MYT1L: variants seen among roughly 807,000 people sequenced by gnomAD.
The protein encoded by MYT1L is myelin transcription factor 1 like, also known as myelin transcription factor 1-like protein.
MYT1L carries 12 observed loss-of-function variants against 126.7 expected under a neutral mutation model. The ratio of observed to expected loss-of-function variants is 0.09; its 90% CI spans 0.06 to 0.15. MYT1L has a LOEUF of 0.15. MYT1L is among the 10% of genes least tolerant of loss of function. The probability of loss-of-function intolerance (pLI) is 1.00; values close to 1 mark genes in which losing one functional copy is unlikely to be tolerated. For missense variants in MYT1L, 979 were observed against 1,585.2 expected (o/e 0.62, Z 6.49); for synonymous variants, 541 against 604.2 (o/e 0.90, Z 1.53).
At chr2:1,797,438 T>C (rs2033819156) in intron 23 of MYT1L, among the ~76,000 whole-genome samples, 1 of 152,114 alleles carries the variant, frequency 6.6e-6, no homozygotes, top group Admixed American at 6.5e-5. Context: ...GCCAGGATGG[T>C]CTCGATTTCC....
At chr2:1,959,644 T>A (rs1026087867) in intron 8 of MYT1L, among the ~76,000 whole-genome samples, 1 of 152,230 alleles carries the variant, frequency 6.6e-6, no homozygotes, top group Non-Finnish European at 1.5e-5. Flanking sequence ...CCTGGCTACC[T>A]GCAGAGAATG....
intron 2 of MYT1L, among the ~76,000 whole-genome samples, chr2:2,271,053 C>G (rs1261453484): frequency 6.6e-6 from 1 of 152,160 alleles, no homozygotes; most frequent in Non-Finnish European, 1.5e-5. Flanking sequence ...TCGAGAGGTC[C>G]CGTGTCTGTG....
In MYT1L at chr2:2,162,908, C is replaced by T. The variant is rs146840016; in HGVS notation, c.-304+9964G>A. On this transcript the variant is annotated intron_variant, in intron 3 of 24. Transcript: ENST00000647738. ...TCAGTGCTCGCAGTAACTTGACTTG[C>T]CACCCTGTGACCTCTTGATCTGTAA... is the stretch of plus-strand genomic sequence containing the variant. Among the ~76,000 whole-genome samples the T allele has an allele frequency of 1.2e-4, 18 of 152,274 alleles. No individual in the cohort carries two copies. In the East Asian group the frequency reaches 2.7e-3, roughly 23 times the overall value.
rs549477277 is a variant in MYT1L, at chr2:2,030,460, G to A, written c.-158+23518C>T. ...TCTGATTCTTAACTATCATTCATTC[G>A]TTCATTTGTTATGTGTATACTCTTT... On this transcript the variant is annotated intron_variant, in intron 4 of 24. Coordinates refer to ENST00000647738, the MANE Select transcript of MYT1L (RefSeq NM_001303052.2). 7.9e-5 allele frequency among the ~76,000 whole-genome samples: 12 copies of A among 152,132 alleles called. No individual in the cohort carries two copies. In the East Asian group the frequency reaches 1.5e-3, roughly 20 times the overall value.
rs370549030 is a variant in MYT1L, at chr2:1,854,278, T to C, written c.2712-2575A>G. ...GGGTGGCGGGGGAACACTGTGAGTT[T>C]TGTTTTGTTTATTGATTAGTCTTTA... On this transcript the variant is annotated intron_variant, in intron 18 of 24. Transcript: ENST00000647738. Among the ~76,000 whole-genome samples, 4 of 152,280 alleles carry C rather than the reference T, an allele frequency of 2.6e-5. No homozygotes were observed. The East Asian group carries it at 7.7e-4, about 29-fold the overall frequency.
chr2:1,813,689 T>C (rs569273864), intron 21 of MYT1L, among the ~76,000 whole-genome samples: 1 of 151,900 alleles, frequency 6.6e-6, no homozygotes, highest in South Asian at 2.1e-4. Flanking sequence ...TGATCCCAGG[T>C]GGAACGGTTT....
intron 2 of MYT1L, among the ~76,000 whole-genome samples, chr2:2,209,025 C>A (rs2148888175): frequency 6.7e-6 from 1 of 150,338 alleles, no homozygotes; most frequent in East Asian, 1.9e-4. Flanking sequence ...CACACACACA[C>A]CCCAAATAGA....
intron 8 of MYT1L, among the ~76,000 whole-genome samples, chr2:1,967,738 C>T (rs1032652341): frequency 1.3e-5 from 2 of 152,076 alleles, no homozygotes; most frequent in South Asian, 2.1e-4. Context: ...GAGGGTGTGG[C>T]CAAAGAGGGG....
At chr2:1,792,586 C>T (rs886090716) in intron 23 of MYT1L, 122 bp from the exon 24 acceptor site, 10 of 1,096,132 alleles carry the variant, frequency 9.1e-6, no homozygotes, top group South Asian at 1.8e-5. Flanking sequence ...AGAAAGGCTT[C>T]GGGCCGGGCG....
At chr2:2,314,873 CA>C (rs1229602127) in intron 1 of MYT1L, among the ~76,000 whole-genome samples, 1 of 152,122 alleles carries the variant, frequency 6.6e-6, no homozygotes, top group East Asian at 1.9e-4. Context: ...AATAAGACTG[CA>C]CATCTACAAC....
chr2:1,792,406 T>C lies in MYT1L; in HGVS notation c.3335A>G (p.Gln1112Arg). Residue 1112 changes from glutamine to arginine, a missense_variant, in exon 24 of 25, where the codon CAG (glutamine) becomes CGG (arginine). Gln to Arg is a conservative substitution (Grantham distance 43). This residue lies in a region of MYT1L where 179 missense variants were observed against 398.6 expected (regional missense o/e 0.45). Transcript: ENST00000647738. Reference sequence around the variant, plus strand: ...CTCGTGGAGGAGAGACTCGTTCTGCTGCTCAATCACTTTGTTCTCCTCTTC... The same window carrying C: ...CTCGTGGAGGAGAGACTCGTTCTGCCGCTCAATCACTTTGTTCTCCTCTTC... ...TIEEENKVIE[Q>R]QNESLLHELA... The C allele has an allele frequency of 6.2e-7, 1 of 1,613,702 alleles. No homozygotes were observed.
At chr2:1,844,171 AG>A (rs1156469598) in intron 19 of MYT1L, among the ~76,000 whole-genome samples, 1 of 152,152 alleles carries the variant, frequency 6.6e-6, no homozygotes, top group Non-Finnish European at 1.5e-5. Context: ...GCCGTAGCCC[AG>A]GGCCTCTGTT....
intron 1 of MYT1L, among the ~76,000 whole-genome samples, chr2:2,312,924 T>G (rs1386013386): frequency 6.6e-6 from 1 of 152,096 alleles, no homozygotes; most frequent in East Asian, 1.9e-4. Flanking sequence ...GAGGAATGTA[T>G]CTTTGGCTAC....
intron 1 of MYT1L, among the ~76,000 whole-genome samples, chr2:2,317,237 T>C (rs1185171920): frequency 1.3e-5 from 2 of 152,186 alleles, no homozygotes; most frequent in South Asian, 4.1e-4. Flanking sequence ...CTACTCTAAA[T>C]ACTCAGGTTC....
chr2:2,204,757 A>G (rs1211129944), intron 2 of MYT1L, among the ~76,000 whole-genome samples: 1 of 151,910 alleles, frequency 6.6e-6, no homozygotes, highest in Non-Finnish European at 1.5e-5. Flanking sequence ...CCATCCCATT[A>G]CTGGGTATAT....
In MYT1L at chr2:2,228,707, T is replaced by G. The variant is rs1198492343; in HGVS notation, c.-421+55697A>C. 2.0e-5 allele frequency among the ~76,000 whole-genome samples: 3 copies of G among 152,118 alleles called. No individual in the cohort carries two copies. Among genetic ancestry groups the G allele is most frequent in the Non-Finnish European group, 4.4e-5 (3 of 68,020 alleles). ...TAGCAGGTATAAAAAGGTTTCAACC[T>G]TAATATTACAGAGAAGAGCTATAAA... On this transcript the variant is annotated intron_variant, in intron 2 of 24. Transcript: ENST00000647738. This position sits in a 1 kb window ranked among gnomAD's most constrained non-coding sequence, Gnocchi z 5.9.
At chr2:1,911,955 G>A in intron 12 of MYT1L, 65 bp downstream of exon 12, 1 of 1,305,080 alleles carries the variant, frequency 7.7e-7, no homozygotes, top group Non-Finnish European at 1.1e-6. Context: ...AGGCCCCCCA[G>A]GAAGGAGAAG....
chr2:2,295,791 C>CAG (rs200564543), intron 1 of MYT1L, among the ~76,000 whole-genome samples: 1,905 of 100,284 alleles, frequency 0.019, 54 homozygotes, highest in South Asian at 0.087. Flanking sequence ...GAGAGACAGA[C>CAG]AGAGAGAGAG....
chr2:1,856,593 C>T (rs2043951921), intron 18 of MYT1L, among the ~76,000 whole-genome samples: 2 of 152,188 alleles, frequency 1.3e-5, no homozygotes, highest in Non-Finnish European at 1.5e-5. Flanking sequence ...GTACATGAAA[C>T]AGCTGTGTCT....
Sources: allele counts gnomAD v4.1 joint callset (sites outside exome capture counted in the v4.1 genomes callset), GRCh38; gene constraint gnomAD v4.1.1; regional missense constraint gnomAD v4.1.1; non-coding constraint Gnocchi (gnomAD v3.1); transcripts MANE v1.5; gene names NCBI Gene and HGNC (gene_info 2026-07-23, HGNC 2026-07-21).